POLA2: variants seen among roughly 807,000 people sequenced by gnomAD.
POLA2 encodes DNA polymerase alpha subunit B.
A neutral mutation model predicts 82.8 loss-of-function variants in POLA2; 47 were observed. The observed-to-expected ratio is 0.57, with a 90% confidence interval of 0.45 to 0.72. The LOEUF is 0.72. Ranked by LOEUF, POLA2 falls within the 30% of genes least tolerant of loss-of-function variation. POLA2 has a pLI of 0.00. For synonymous variants in POLA2, 287 were observed against 286.8 expected (o/e 1.00, Z -0.01); for missense variants, 634 against 728.1 (o/e 0.87, Z 1.49).
chr11:65,266,613 T>C lies in POLA2; in HGVS notation c.111T>C (p.Asn37=). 1.9e-6 allele frequency: 3 copies of C among 1,614,062 alleles called. No homozygotes were observed. The highest frequency in any genetic ancestry group is 2.5e-6 in the Non-Finnish European group (3 of 1,179,902). The change falls in exon 2 of 18, where the codon AAT becomes AAC. Residue 37 remains asparagine, a synonymous_variant. Transcript: ENST00000265465. The part of the protein sequence containing the change: ...LVELCVQYGQ[N]EEGMVGELIA... ...AGCTTTGTGTTCAGTATGGACAGAA[T>C]GAGGAGGGAATGGTAGGCGAGCTTA...
At chr11:65,300,162 T>A (rs1201624275), downstream of POLA2, among the ~76,000 whole-genome samples, 1 of 152,334 alleles carries the variant, frequency 6.6e-6, no homozygotes, top group South Asian at 2.1e-4. Flanking sequence ...GATTTGCCTA[T>A]TTTGGGCATT....
chr11:65,278,964 CACCT>C (rs769636655), intron 6 of POLA2, 41 bp downstream of exon 6: 27 of 1,568,378 alleles, frequency 1.7e-5, no homozygotes, highest in Admixed American at 1.7e-5. Context: ...GATATAAAAC[CACCT>C]AGAAGGGTGT....
chr11:65,278,954 G>GTTTT, intron 6 of POLA2, 31 bp downstream of exon 6: 3 of 1,595,978 alleles, frequency 1.9e-6, no homozygotes, highest in Non-Finnish European at 2.6e-6. Context: ...AATTCTGGTG[G>GTTTT]ATATAAAACC....
chr11:65,282,982 T>C (rs1199337443), intron 10 of POLA2, among the ~76,000 whole-genome samples: 5 of 151,868 alleles, frequency 3.3e-5, no homozygotes, highest in African/African-American at 1.2e-4. Context: ...TTAAAAAAAA[T>C]ATTAGCTGGG....
At chr11:65,280,926 C>T (rs770083971) in intron 7 of POLA2, 66 bp from the exon 8 acceptor site, 159 of 1,520,332 alleles carry the variant, frequency 1.0e-4, no homozygotes, top group African/African-American at 1.0e-3. Context: ...TTCACCCTAT[C>T]GACTTCAGAT....
chr11:65,305,614 C>T, downstream of POLA2: 1 of 355,722 alleles, frequency 2.8e-6, no homozygotes, highest in South Asian at 2.1e-5. Flanking sequence ...GTCGAGGCTG[C>T]AGTCAGCTAT....
At chr11:65,266,779 A>G in intron 2 of POLA2, 73 bp downstream of exon 2, 1 of 1,526,548 alleles carries the variant, frequency 6.6e-7, no homozygotes, top group Admixed American at 1.7e-5. Flanking sequence ...ATTGTGATAT[A>G]TTGAGAGGAG....
chr11:65,293,135 C>T (rs1447034862), intron 13 of POLA2, among the ~76,000 whole-genome samples: 2 of 152,186 alleles, frequency 1.3e-5, no homozygotes, highest in Non-Finnish European at 2.9e-5. Flanking sequence ...TTTTGCATGA[C>T]AACCTGCTGA....
intron 4 of POLA2, among the ~76,000 whole-genome samples, chr11:65,274,347 C>A (rs1272317498): frequency 6.8e-6 from 1 of 146,342 alleles, no homozygotes; most frequent in Admixed American, 7.0e-5. Flanking sequence ...GCCTGGGCAA[C>A]AAGAGCGAAG....
chr11:65,293,255 G>A (rs113976351), intron 13 of POLA2, among the ~76,000 whole-genome samples: 1,580 of 152,166 alleles, frequency 0.01, 23 homozygotes, highest in African/African-American at 0.035. Context: ...TCTGTGTCTC[G>A]GTTGTCCAGT....
At chr11:65,286,444 G>A (rs191868113) in intron 10 of POLA2, among the ~76,000 whole-genome samples, 442 of 151,638 alleles carry the variant, frequency 2.9e-3, no homozygotes, top group African/African-American at 9.3e-3. Flanking sequence ...CTGGAGTGCA[G>A]TGGGCATGAT....
downstream of POLA2, among the ~76,000 whole-genome samples, chr11:65,302,210 G>A (rs1013408942): frequency 1.3e-5 from 2 of 152,188 alleles, no homozygotes; most frequent in East Asian, 3.8e-4. Context: ...CACTCCCATC[G>A]CTCCCAGATC....
chr11:65,295,993 A>C lies in POLA2; in HGVS notation c.1647+3A>C. On this transcript the variant is annotated splice_donor_region_variant and intron_variant, in intron 17 of 17. Transcript: ENST00000265465. The stretch of plus-strand genomic sequence containing the variant: ...CAGAGCTGAGGTACTTCGTGAAGGT[A>C]GGTTTGAACTCTGCTTTTTCCCAGA... 1 of 1,614,134 alleles carries C rather than the reference A, an allele frequency of 6.2e-7. No homozygotes were observed. Among genetic ancestry groups the C allele is most frequent in the Non-Finnish European group, 8.5e-7 (1 of 1,180,000 alleles).
intron 8 of POLA2, among the ~76,000 whole-genome samples, chr11:65,304,302 C>T (rs1357359183): frequency 6.6e-6 from 1 of 151,380 alleles, no homozygotes; most frequent in East Asian, 1.9e-4. Context: ...CTTCCATCCA[C>T]CCACCCACCC....
intron 17 of POLA2, among the ~76,000 whole-genome samples, 190 bp from the exon 18 acceptor site, chr11:65,296,930 C>T (rs1471591492): frequency 7.3e-6 from 1 of 136,562 alleles, no homozygotes; most frequent in Non-Finnish European, 1.5e-5. Flanking sequence ...GCCTGGGCAA[C>T]AGAGCGAGAC....
At chr11:65,264,493 C>T (rs1949437045) in intron 1 of POLA2, among the ~76,000 whole-genome samples, 1 of 152,196 alleles carries the variant, frequency 6.6e-6, no homozygotes, top group African/African-American at 2.4e-5. Context: ...TGCGCCAGGC[C>T]CCTGGTCTCT....
chr11:65,272,508 A>C (rs1392118285), intron 4 of POLA2, among the ~76,000 whole-genome samples: 1 of 152,182 alleles, frequency 6.6e-6, no homozygotes, highest in Non-Finnish European at 1.5e-5. Context: ...TGTTCACCAT[A>C]AATCTGCTGA....
chr11:65,287,083 G>A (rs2137562977), intron 10 of POLA2, among the ~76,000 whole-genome samples: 1 of 152,288 alleles, frequency 6.6e-6, no homozygotes, highest in South Asian at 2.1e-4. Flanking sequence ...TCTGGGTCAT[G>A]TGCCTGCCCT....
downstream of POLA2, chr11:65,298,784 C>T (rs1949840318): frequency 1.3e-5 from 2 of 152,214 alleles, no homozygotes; most frequent in African/African-American, 4.8e-5. Flanking sequence ...TCCGTTCTCC[C>T]CCAGCTCCTC....
Sources: gnomAD v4.1 joint callset for allele counts (sites outside exome capture counted in the v4.1 genomes callset) on GRCh38, gnomAD v4.1.1 for gene constraint, MANE v1.5 for transcripts, NCBI Gene and HGNC (gene_info 2026-07-23, HGNC 2026-07-21) for gene names.